ZNF592: variants seen among roughly 807,000 people sequenced by gnomAD.
The protein encoded by ZNF592 is spinocerebellar ataxia, autosomal recessive 5.
ZNF592 carries 11 observed loss-of-function variants against 80.3 expected under a neutral mutation model. The observed-to-expected ratio is 0.14, with a 90% CI of 0.09 to 0.23. The LOEUF is 0.23. Among genes scored for constraint, ZNF592 ranks in the 10% least tolerant of loss-of-function variants. The pLI, the probability that ZNF592 is intolerant of heterozygous loss-of-function variation, is 1.00. For missense variants in ZNF592, 1,420 were observed against 1,633.9 expected (o/e 0.87, Z 2.26); for synonymous variants, 646 against 640.3 (o/e 1.01, Z -0.13).
chr15:84,794,713 G>A (rs965424826), intron 5 of ZNF592, among the ~76,000 whole-genome samples: 2 of 152,138 alleles, frequency 1.3e-5, no homozygotes, highest in Non-Finnish European at 2.9e-5. Context: ...CTGACCTCAG[G>A]TGATCCACCG....
At chr15:84,800,364 C>A (rs1264851324) in intron 10 of ZNF592, among the ~76,000 whole-genome samples, 4 of 152,298 alleles carry the variant, frequency 2.6e-5, no homozygotes, top group African/African-American at 7.2e-5. Context: ...ACTCACCCCC[C>A]AACCTTCTCA....
Position 84,783,501 on chromosome 15 carries a change from C to T in ZNF592, c.826C>T (p.Pro276Ser). ...AGTCCCCCCTAGGCAGCGTCTAAAG[C>T]CAGCTCATTCCAAGCTGTCCTCTTG... ...SSVPPRQRLKPAHSKLSSCVA... is the reference protein window; with the variant it reads ...SSVPPRQRLKSAHSKLSSCVA... The change falls in exon 4 of 11, where the codon CCA (proline) becomes TCA (serine). Residue 276 changes from proline (P) to serine (S), a missense_variant. By Grantham distance (74) the Pro-to-Ser change is moderately conservative. This residue lies in a region of ZNF592 where 373 missense variants were observed against 355.5 expected (regional missense o/e 1.05). Transcript: ENST00000560079. The surrounding 1 kb of genome is among the most constrained non-coding windows in gnomAD (Gnocchi z 5.0). 1 of 1,614,216 alleles carries T rather than the reference C, an allele frequency of 6.2e-7. No individual in the cohort carries two copies. The highest frequency in any genetic ancestry group is 8.5e-7 in the Non-Finnish European group (1 of 1,180,044).
chr15:84,786,616 T>C (rs1962591757), intron 4 of ZNF592, among the ~76,000 whole-genome samples: 2 of 152,122 alleles, frequency 1.3e-5, no homozygotes, highest in Non-Finnish European at 2.9e-5. Flanking sequence ...CTGTGGCCTC[T>C]CATCTCCTCC....
intron 2 of ZNF592, among the ~76,000 whole-genome samples, chr15:84,773,361 G>T (rs1178657923): frequency 6.6e-6 from 1 of 151,968 alleles, no homozygotes; most frequent in African/African-American, 2.4e-5. Flanking sequence ...ACAGGTGCCC[G>T]CCACCAAGCC....
At chr15:84,758,337 C>T (rs1899242889) in intron 1 of ZNF592, among the ~76,000 whole-genome samples, 1 of 151,988 alleles carries the variant, frequency 6.6e-6, no homozygotes, top group African/African-American at 2.4e-5. Flanking sequence ...GACTGTAGTG[C>T]AGTGGCGTGA....
intron 1 of ZNF592, among the ~76,000 whole-genome samples, chr15:84,752,966 C>A (rs1405924510): frequency 3.9e-5 from 6 of 152,096 alleles, no homozygotes; most frequent in Admixed American, 2.0e-4. Context: ...CACTTTCTGG[C>A]CAGGGCTGGG....
rs376399381 is a variant in ZNF592, at chr15:84,784,382, G to A, written c.1707G>A (p.Ala569=). ...GCTCCAACCCCGTGCCCCTCTATGC[G>A]CCAAATCTCAGCCCGCCTGCGGACA... ...LHSSNPVPLY[A]PNLSPPADSR... Residue 569 remains alanine, a synonymous_variant, in exon 4 of 11, where the codon GCG becomes GCA. Transcript: ENST00000560079. This position sits in a 1 kb window ranked among gnomAD's most constrained non-coding sequence, Gnocchi z 5.8. 20 of 1,614,000 alleles carry A rather than the reference G, an allele frequency of 1.2e-5. No individual in the cohort carries two copies. Among genetic ancestry groups the A allele is most frequent in the Admixed American group, 6.7e-5 (4 of 60,000 alleles).
At chr15:84,765,906 G>A (rs1377318593) in intron 2 of ZNF592, among the ~76,000 whole-genome samples, 1 of 151,846 alleles carries the variant, frequency 6.6e-6, no homozygotes, top group Non-Finnish European at 1.5e-5. Flanking sequence ...CTAGCCAAGG[G>A]GTGGGTCCCT....
At chr15:84,766,415 G>A (rs567174109) in intron 2 of ZNF592, among the ~76,000 whole-genome samples, 1 of 152,154 alleles carries the variant, frequency 6.6e-6, no homozygotes, top group Non-Finnish European at 1.5e-5. Context: ...CTGGATATTG[G>A]ATCCGTTGCC....
At chr15:84,766,672 G>C (rs1899531490) in intron 2 of ZNF592, among the ~76,000 whole-genome samples, 1 of 148,312 alleles carries the variant, frequency 6.7e-6, no homozygotes, top group African/African-American at 2.6e-5. Context: ...AGTGTACCGT[G>C]GAGGAAGGAA....
In ZNF592 at chr15:84,754,269, T is replaced by C. The variant is rs1056584557; in HGVS notation, c.-259+5605T>C. Reference sequence around the variant, plus strand: ...CTGAAAGTGTTAAATCCAGAGGTAATAATGGGCAGCTGGGCACGGTGGCTC... The same window carrying C: ...CTGAAAGTGTTAAATCCAGAGGTAACAATGGGCAGCTGGGCACGGTGGCTC... On this transcript the variant is annotated intron_variant, in intron 1 of 10. Coordinates refer to ENST00000560079, the MANE Select transcript of ZNF592 (RefSeq NM_014630.3). Among the ~76,000 whole-genome samples the C allele has an allele frequency of 8.5e-5, 13 of 152,096 alleles. No individual in the cohort carries two copies. The South Asian group carries it at 2.7e-3, about 32-fold the overall frequency.
At chr15:84,779,980 G>T (rs1337901788) in intron 3 of ZNF592, among the ~76,000 whole-genome samples, 2 of 146,158 alleles carry the variant, frequency 1.4e-5, no homozygotes, top group Admixed American at 6.9e-5. Flanking sequence ...TTTTTTCCTA[G>T]ACAGTTTTGT....
At chr15:84,764,890 ATTTTG>A (rs1218374895) in intron 2 of ZNF592, 75 bp downstream of exon 2, 1 of 341,668 alleles carries the variant, frequency 2.9e-6, no homozygotes, top group Non-Finnish European at 4.8e-6. Context: ...TGTTCCCTGG[ATTTTG>A]TTTTGTTTTG....
rs755160006 is a variant in ZNF592 at position 84,784,286 on chromosome 15, G to A, written c.1611G>A (p.Ser537=). 21 of 1,614,100 alleles carry A rather than the reference G, an allele frequency of 1.3e-5. 1 individual carries two copies. The highest frequency in any genetic ancestry group is 6.7e-5 in the Admixed American group (4 of 60,008). ...GCCAGCCACAGCTTACACAAATGTCGGTGCCCCTGGTCCACCAGGTGAAAA... is the reference window on the plus strand; with the variant it reads ...GCCAGCCACAGCTTACACAAATGTCAGTGCCCCTGGTCCACCAGGTGAAAA... ...RRSQPQLTQM[S]VPLVHQVKKA... The change falls in exon 4 of 11, where the codon TCG becomes TCA. Residue 537 remains serine, a synonymous_variant. Coordinates refer to ENST00000560079, the MANE Select transcript of ZNF592 (RefSeq NM_014630.3). The surrounding 1 kb of genome is among the most constrained non-coding windows in gnomAD (Gnocchi z 5.8).
intron 4 of ZNF592, among the ~76,000 whole-genome samples, chr15:84,788,329 A>C (rs1249219926): frequency 6.6e-6 from 1 of 152,108 alleles, no homozygotes; most frequent in African/African-American, 2.4e-5. Flanking sequence ...AATTTTATTG[A>C]GTTTCAAAGG....
chr15:84,762,181 A>G (rs1355407551), intron 1 of ZNF592, among the ~76,000 whole-genome samples: 1 of 152,338 alleles, frequency 6.6e-6, no homozygotes, highest in South Asian at 2.1e-4. Flanking sequence ...GAACAAAATA[A>G]ACACAAATCT....
intron 2 of ZNF592, among the ~76,000 whole-genome samples, chr15:84,766,335 C>T (rs1022456350): frequency 5.3e-5 from 8 of 152,152 alleles, no homozygotes; most frequent in Admixed American, 3.9e-4. Context: ...CATAGGAAGG[C>T]ACATAGGGAC....
intron 5 of ZNF592, among the ~76,000 whole-genome samples, chr15:84,793,652 A>G (rs949305221): frequency 1.3e-5 from 2 of 152,170 alleles, no homozygotes; most frequent in Admixed American, 1.3e-4. Flanking sequence ...ATTTTAGAGC[A>G]TTTTTACTAT....
chr15:84,750,126 A>G (rs1898971306), intron 1 of ZNF592, among the ~76,000 whole-genome samples: 2 of 152,048 alleles, frequency 1.3e-5, no homozygotes, highest in African/African-American at 4.8e-5. Context: ...ACATGGTGAA[A>G]CCCCGTCTCC....
Sources: allele counts gnomAD v4.1 joint callset (sites outside exome capture counted in the v4.1 genomes callset), GRCh38; gene constraint gnomAD v4.1.1; regional missense constraint gnomAD v4.1.1; non-coding constraint Gnocchi (gnomAD v3.1); transcripts MANE v1.5; gene names NCBI Gene and HGNC (gene_info 2026-07-23, HGNC 2026-07-21).